Variants in MTUS2 observed in about 807,000 individuals in gnomAD.
MTUS2 encodes microtubule associated scaffold protein 2.
A neutral mutation model predicts 114.1 loss-of-function variants in MTUS2; 40 were observed. The observed-to-expected ratio is 0.35, with a 90% CI of 0.27 to 0.46. The LOEUF is 0.46. MTUS2 is among the 20% of genes least tolerant of loss of function. The probability of loss-of-function intolerance (pLI) is 1.00; values close to 1 mark genes in which losing one functional copy is unlikely to be tolerated. For missense variants in MTUS2, 1,679 were observed against 1,705.4 expected, an observed-to-expected ratio of 0.98 and a Z score of 0.27; for synonymous variants, 688 against 672.0, an observed-to-expected ratio of 1.02 and a Z score of -0.37.
intron 5 of MTUS2, among the ~76,000 whole-genome samples, chr13:29,189,841 C>A (rs2139189865): frequency 6.6e-6 from 1 of 152,150 alleles, no homozygotes; most frequent in African/African-American, 2.4e-5. Flanking sequence ...GTCCCTCTAC[C>A]CCCAAATGTA....
chr13:29,309,792 A>G (rs1899666567), intron 6 of MTUS2, among the ~76,000 whole-genome samples: 1 of 152,104 alleles, frequency 6.6e-6, no homozygotes. Flanking sequence ...TTGTGTGTAC[A>G]TAGTAGGTGT....
At chr13:29,391,281 G>C (rs1181168409) in intron 8 of MTUS2, among the ~76,000 whole-genome samples, 1 of 152,116 alleles carries the variant, frequency 6.6e-6, no homozygotes, top group African/African-American at 2.4e-5. Context: ...GTAGAGACAG[G>C]GTTTCACCAT....
intron 5 of MTUS2, among the ~76,000 whole-genome samples, chr13:29,223,474 C>G (rs1017943871): frequency 2.6e-5 from 4 of 152,222 alleles, no homozygotes; most frequent in Admixed American, 2.6e-4. Context: ...ACATGAGCTA[C>G]TCACTGCAGG....
At chr13:29,452,109 A>C (rs1281322209) in intron 9 of MTUS2, among the ~76,000 whole-genome samples, 1 of 152,196 alleles carries the variant, frequency 6.6e-6, no homozygotes, top group African/African-American at 2.4e-5. Flanking sequence ...TTTAGTTTCT[A>C]TCCCAAACAG....
At chr13:29,326,148 C>T (rs895268738) in intron 7 of MTUS2, among the ~76,000 whole-genome samples, 3 of 152,186 alleles carry the variant, frequency 2.0e-5, no homozygotes, top group African/African-American at 7.2e-5. Context: ...AAAACTCACC[C>T]TGCGGGAGAC....
intron 12 of MTUS2, among the ~76,000 whole-genome samples, chr13:29,494,904 G>A (rs777685408): frequency 1.1e-4 from 16 of 152,002 alleles, no homozygotes; most frequent in Non-Finnish European, 2.2e-4. Context: ...GTCGGATGTG[G>A]GTCAGGCACA....
intron 2 of MTUS2, among the ~76,000 whole-genome samples, chr13:28,966,745 A>AC (rs1883611477): frequency 6.6e-6 from 1 of 151,228 alleles, no homozygotes; most frequent in Non-Finnish European, 1.5e-5. Context: ...AAAAAAAAAA[A>AC]AAACAAAGAA....
intron 1 of MTUS2, among the ~76,000 whole-genome samples, chr13:28,830,051 C>T (rs1874558135): frequency 6.6e-6 from 1 of 152,182 alleles, no homozygotes; most frequent in South Asian, 2.1e-4. Flanking sequence ...ACAGAAATCT[C>T]TGTACCGTCA....
intron 5 of MTUS2, among the ~76,000 whole-genome samples, chr13:29,254,185 TA>T (rs1228606266): frequency 1.3e-5 from 2 of 152,218 alleles, no homozygotes; most frequent in African/African-American, 2.4e-5. Flanking sequence ...TGAATAATTT[TA>T]AGTGTTCTTC....
Position 29,308,144 on chromosome 13 carries a change from G to T in MTUS2, c.2807-16469G>T, listed in dbSNP as rs139205233. On this transcript the variant is annotated intron_variant, in intron 6 of 15. Transcript: ENST00000612955. ...CAAAGCTGTAGGCATCAAGCTGCCC[G>T]ACTTCAAACTATACTACAAGACTAC... Among the ~76,000 whole-genome samples the T allele has an allele frequency of 3.3e-5, 5 of 152,274 alleles. No homozygotes were observed. In the East Asian group the frequency reaches 9.7e-4, roughly 29 times the overall value.
At chr13:29,497,382 C>T (rs1882622544) in intron 13 of MTUS2, 46 bp downstream of exon 13, 4 of 1,541,434 alleles carry the variant, frequency 2.6e-6, no homozygotes, top group Non-Finnish European at 3.5e-6. Context: ...AACCCCGCCC[C>T]AGCAAGGCCG....
chr13:28,995,856 A>G (rs982322659), intron 2 of MTUS2, among the ~76,000 whole-genome samples: 5 of 152,154 alleles, frequency 3.3e-5, no homozygotes, highest in Admixed American at 2.6e-4. Flanking sequence ...GGACAATTTC[A>G]CTTCCTCTTT....
At chr13:28,869,789 CA>C (rs932038748) in intron 2 of MTUS2, among the ~76,000 whole-genome samples, 1 of 151,864 alleles carries the variant, frequency 6.6e-6, no homozygotes, top group East Asian at 1.9e-4. Context: ...ACAAAACAAA[CA>C]AAAAAAGTAG....
At chr13:28,872,353 G>A (rs1336651570) in intron 2 of MTUS2, among the ~76,000 whole-genome samples, 1 of 152,104 alleles carries the variant, frequency 6.6e-6, no homozygotes, top group Non-Finnish European at 1.5e-5. Flanking sequence ...TTCATTGGGG[G>A]AATACTTGGA....
chr13:29,504,894 C>T lies in MTUS2; in HGVS notation c.*1688C>T, dbSNP rs1439900451. On this transcript the variant is annotated 3_prime_UTR_variant, in exon 16 of 16. Transcript: ENST00000612955. ...GAAGAAAACAGCCCGCGGACGGGGT[C>T]GGCTTGTCCAGGGCACGCCTGCTCG... The T allele has an allele frequency of 4.3e-6, 1 of 232,488 alleles. No individual in the cohort carries two copies. Among genetic ancestry groups the T allele is most frequent in the East Asian group, 6.1e-5 (1 of 16,486 alleles). 14.4% of individuals were successfully genotyped at this position (232,488 alleles called of 1,614,324 possible).
chr13:29,019,119 A>G (rs535540941), intron 2 of MTUS2, among the ~76,000 whole-genome samples: 1 of 151,988 alleles, frequency 6.6e-6, no homozygotes, highest in South Asian at 2.1e-4. Context: ...TTATTTTTTC[A>G]TGAGAGGCAA....
At chr13:28,867,381 AG>A (rs1877363762) in intron 2 of MTUS2, among the ~76,000 whole-genome samples, 1 of 152,232 alleles carries the variant, frequency 6.6e-6, no homozygotes, top group African/African-American at 2.4e-5. Context: ...ATGGAGAAGA[AG>A]GCATTGTATT....
At chr13:29,019,898 G>C (rs1040719589) in intron 2 of MTUS2, among the ~76,000 whole-genome samples, 1 of 152,260 alleles carries the variant, frequency 6.6e-6, no homozygotes, top group African/African-American at 2.4e-5. Flanking sequence ...TAATCCCACA[G>C]TTGGGAGAAT....
intron 8 of MTUS2, among the ~76,000 whole-genome samples, chr13:29,376,797 G>A (rs1322230457): frequency 1.3e-5 from 2 of 152,024 alleles, no homozygotes; most frequent in African/African-American, 4.8e-5. Context: ...ATCTAAACAA[G>A]CCAATTAAAA....
Sources: allele counts gnomAD v4.1 joint callset (sites outside exome capture counted in the v4.1 genomes callset), GRCh38; gene constraint gnomAD v4.1.1; transcripts MANE v1.5; gene names NCBI Gene and HGNC (gene_info 2026-07-23, HGNC 2026-07-21).